The following CAND1 variants were observed in gnomAD, a reference collection of about 807,000 sequenced individuals.
The protein encoded by CAND1 is cullin associated and neddylation dissociated 1.
In CAND1, 7 loss-of-function variants were observed where a neutral mutation model predicts 108.5. That is an observed-to-expected ratio of 0.06 (90% CI 0.04 to 0.12). The LOEUF is 0.12. CAND1 is among the 10% of genes least tolerant of loss of function. The probability of loss-of-function intolerance (pLI) is 1.00; values close to 1 mark genes in which losing one functional copy is unlikely to be tolerated. For missense variants in CAND1, 941 were observed against 1,448.7 expected (o/e 0.65, Z 5.69); for synonymous variants, 534 against 512.0 (o/e 1.04, Z -0.58).
intron 8 of CAND1, among the ~76,000 whole-genome samples, chr12:67,303,789 C>T (rs1262226105): frequency 2.0e-5 from 3 of 152,042 alleles, no homozygotes; most frequent in Non-Finnish European, 4.4e-5. Context: ...ACCCCTGCTG[C>T]TTGTAGCTAC....
chr12:67,300,782 A>AC (rs2044817622), intron 7 of CAND1, among the ~76,000 whole-genome samples: 1 of 152,210 alleles, frequency 6.6e-6, no homozygotes, highest in South Asian at 2.1e-4. Context: ...ACAGGCAATC[A>AC]ATAAATGGGT....
At position 67,298,944 on chromosome 12, in the gene CAND1, C is replaced by G; in HGVS notation, c.855-6C>G. ...TCTTCAAGGCAGCTTTTGTTTTTGT[C>G]TTTAGATGTCCTAAGGAAGTATATC... On this transcript the variant is annotated splice_polypyrimidine_tract_variant and splice_region_variant and intron_variant, in intron 6 of 14. Coordinates refer to ENST00000545606, the MANE Select transcript of CAND1 (RefSeq NM_018448.5). 1 of 1,510,742 alleles carries G rather than the reference C, an allele frequency of 6.6e-7. No homozygotes were observed. The highest frequency in any genetic ancestry group is 9.2e-7 in the Non-Finnish European group (1 of 1,092,230). 93.6% of individuals were successfully genotyped at this position (1,510,742 alleles called of 1,614,324 possible). A position where few individuals can be genotyped will look rare whatever the true frequency, so the allele number is the denominator to read the frequency against.
chr12:67,298,323 A>AC, intron 6 of CAND1, among the ~76,000 whole-genome samples: 1 of 152,194 alleles, frequency 6.6e-6, no homozygotes, highest in African/African-American at 2.4e-5. Context: ...AAGGCAATAC[A>AC]AGATAAGTAA....
chr12:67,306,074 T>C lies in CAND1; in HGVS notation c.2406T>C (p.Cys802=). ...HKQSYYSIAK[C]VAALTRACPK... Reference sequence around the variant, plus strand: ...AGTCTTATTATTCCATTGCCAAATGTGTAGCTGCCCTTACTCGAGCATGCC... The same window carrying C: ...AGTCTTATTATTCCATTGCCAAATGCGTAGCTGCCCTTACTCGAGCATGCC... The change falls in exon 10 of 15, where the codon TGT becomes TGC. Residue 802 remains cysteine (C), a synonymous_variant. Coordinates refer to ENST00000545606, the MANE Select transcript of CAND1 (RefSeq NM_018448.5). 1 of 1,614,120 alleles carries C rather than the reference T, an allele frequency of 6.2e-7. No homozygotes were observed. Among genetic ancestry groups the C allele is most frequent in the Non-Finnish European group, 8.5e-7 (1 of 1,179,998 alleles).
In CAND1 at chr12:67,284,921, G is replaced by A. The variant is rs576952609; in HGVS notation, c.212+2868G>A. On this transcript the variant is annotated intron_variant, in intron 2 of 14. Coordinates refer to ENST00000545606, the MANE Select transcript of CAND1 (RefSeq NM_018448.5). ...GGGTATTAACCACTTTAAGACAGAG[G>A]GGTAGGAAGAAAGTTAGAGGCATAA... Among the ~76,000 whole-genome samples, 11 of 151,942 alleles carry A rather than the reference G, an allele frequency of 7.2e-5. No homozygotes were observed. The South Asian group carries it at 1.3e-3, about 17-fold the overall frequency.
Position 67,304,694 on chromosome 12 carries a change from G to A in CAND1, c.1383G>A (p.Leu461=). ...RQCCFNMLTE[L]VNVLPGALTQ... ...GTTGTTTTAACATGTTAACTGAGCT[G>A]GTAAATGTATTACCTGGGGCCCTAA... The change falls in exon 9 of 15, where the codon CTG becomes CTA. Residue 461 remains leucine (L), a synonymous_variant. Transcript: ENST00000545606. The A allele has an allele frequency of 1.9e-6, 3 of 1,613,788 alleles. No homozygotes were observed. The highest frequency in any genetic ancestry group is 2.5e-6 in the Non-Finnish European group (3 of 1,179,884).
chr12:67,285,784 A>G (rs1231808798), intron 2 of CAND1, among the ~76,000 whole-genome samples: 1 of 152,182 alleles, frequency 6.6e-6, no homozygotes, highest in African/African-American at 2.4e-5. Context: ...GGAATTACGT[A>G]GTATGTGTTC....
intron 1 of CAND1, 47 bp from the exon 2 acceptor site, chr12:67,281,863 T>C: frequency 1.5e-6 from 2 of 1,343,942 alleles, no homozygotes; most frequent in South Asian, 2.8e-5. Context: ...TCTTTTTAAA[T>C]TAATGCTTTA....
chr12:67,274,091 GT>G (rs1328346936), intron 1 of CAND1, among the ~76,000 whole-genome samples: 1 of 151,808 alleles, frequency 6.6e-6, no homozygotes, highest in Non-Finnish European at 1.5e-5. Context: ...CTTCTCCAGG[GT>G]TTAGACTAGT....
chr12:67,273,727 T>G (rs1416940787), intron 1 of CAND1, among the ~76,000 whole-genome samples: 2 of 152,110 alleles, frequency 1.3e-5, no homozygotes, highest in African/African-American at 4.8e-5. Flanking sequence ...TCTGCCCACC[T>G]TGGCCTCCCA....
chr12:67,309,155 T>C (rs1268394907), intron 11 of CAND1, among the ~76,000 whole-genome samples: 1 of 152,024 alleles, frequency 6.6e-6, no homozygotes. Context: ...GGTTCTTGCC[T>C]AAAGTAACTT....
At chr12:67,272,746 T>A (rs2044532474) in intron 1 of CAND1, among the ~76,000 whole-genome samples, 1 of 152,072 alleles carries the variant, frequency 6.6e-6, no homozygotes, top group African/African-American at 2.4e-5. Context: ...CGCCAGGCTG[T>A]AGTGCAGGGG....
chr12:67,276,979 T>C (rs2044575772), intron 1 of CAND1, among the ~76,000 whole-genome samples: 2 of 152,212 alleles, frequency 1.3e-5, no homozygotes, highest in Admixed American at 1.3e-4. Flanking sequence ...TAATCCTTTC[T>C]TCTGTTGTAA....
At chr12:67,280,995 CTG>C (rs1346364895) in intron 1 of CAND1, among the ~76,000 whole-genome samples, 1 of 152,070 alleles carries the variant, frequency 6.6e-6, no homozygotes, top group African/African-American at 2.4e-5. Flanking sequence ...AATCCCAACA[CTG>C]TGGGAGGCCG....
At position 67,314,521 on chromosome 12, in the gene CAND1, T is replaced by C. The variant is rs530250686; in HGVS notation, c.*1691T>C. ...TTTATTTTGAGATGTTAGTATATTA[T>C]GTACTATGCATTTCTGTGGTATAGA... On this transcript the variant is annotated 3_prime_UTR_variant, in exon 15 of 15. Transcript: ENST00000545606. 1 of 152,380 alleles carries C rather than the reference T, an allele frequency of 6.6e-6. No homozygotes were observed. Among genetic ancestry groups the C allele is most frequent in the South Asian group, 2.1e-4 (1 of 4,834 alleles). The allele number at this position is 152,380 out of a possible 1,614,324, so 9.4% of individuals were successfully genotyped here. A position where few individuals can be genotyped will look rare whatever the true frequency, so the allele number is the denominator to read the frequency against.
intron 3 of CAND1, 69 bp from the exon 4 acceptor site, chr12:67,294,964 C>T: frequency 6.6e-7 from 1 of 1,513,362 alleles, no homozygotes; most frequent in South Asian, 1.2e-5. Context: ...TATTTGGTAA[C>T]TACCATGAAT....
At position 67,310,177 on chromosome 12, in the gene CAND1, C is replaced by T. The variant is rs1484084757; in HGVS notation, c.3221C>T (p.Thr1074Met). The T allele has an allele frequency of 1.9e-6, 3 of 1,612,582 alleles. No homozygotes were observed. Among genetic ancestry groups the T allele is most frequent in the Non-Finnish European group, 2.5e-6 (3 of 1,179,132 alleles). The stretch of plus-strand genomic sequence containing the variant: ...GTAGAAATGGGTCCATTTAAACATA[C>T]GGTTGATGATGGTCTGGATATTAGA... ...REVEMGPFKH[T>M]VDDGLDIRKA... The change falls in exon 13 of 15, where the codon ACG becomes ATG. Residue 1074 changes from threonine (T) to methionine (M), a missense_variant. Physicochemically the swap from Thr to Met is moderately conservative, Grantham distance 81. Around this residue, in one of 9 missense-constraint regions of CAND1, gnomAD observed 6 missense variants for 33.3 expected, o/e 0.18. Coordinates refer to ENST00000545606, the MANE Select transcript of CAND1 (RefSeq NM_018448.5).
chr12:67,303,718 CCT>C (rs1250759776), intron 8 of CAND1, among the ~76,000 whole-genome samples: 3 of 151,938 alleles, frequency 2.0e-5, no homozygotes, highest in African/African-American at 7.3e-5. Flanking sequence ...TAGTAGAGAC[CCT>C]GTTTGTTTTA....
At chr12:67,288,935 C>T (rs2044697635) in intron 2 of CAND1, among the ~76,000 whole-genome samples, 2 of 152,026 alleles carry the variant, frequency 1.3e-5, no homozygotes, top group African/African-American at 4.8e-5. Context: ...GATGTATGAC[C>T]CTTTTATGAA....
Sources: allele counts gnomAD v4.1 joint callset (sites outside exome capture counted in the v4.1 genomes callset), GRCh38; gene constraint gnomAD v4.1.1; regional missense constraint gnomAD v4.1.1; transcripts MANE v1.5; gene names NCBI Gene and HGNC (gene_info 2026-07-23, HGNC 2026-07-21).